CCDC170: variants seen among roughly 807,000 people sequenced by gnomAD.
CCDC170 encodes the protein coiled-coil domain containing 170, also known as coiled-coil domain-containing protein 170.
Under a neutral mutation model 72.6 loss-of-function variants are expected in CCDC170, and 69 were observed. The observed-to-expected ratio is 0.95, with a 90% CI of 0.78 to 1.16. The LOEUF (loss-of-function observed/expected upper bound fraction) is 1.16. Among genes scored for constraint, CCDC170 ranks in the 50% most tolerant of loss-of-function variants. The pLI is 0.00. For missense variants in CCDC170, 852 were observed against 832.5 expected (o/e 1.02, Z -0.29); for synonymous variants, 300 against 303.9 (o/e 0.99, Z 0.13).
At chr6:151,566,922 A>T (rs1465153997) in intron 5 of CCDC170, among the ~76,000 whole-genome samples, 1 of 151,882 alleles carries the variant, frequency 6.6e-6, no homozygotes, top group Non-Finnish European at 1.5e-5. Context: ...TGTATAGGAA[A>T]TTTTTTCTTT....
Position 151,520,779 on chromosome 6 carries a change from G to A in CCDC170, c.58-15539G>A, listed in dbSNP as rs114943744. Among the ~76,000 whole-genome samples the A allele has an allele frequency of 9.3e-3, 1,411 of 152,236 alleles. 26 individuals are homozygous for A. Among genetic ancestry groups the A allele is most frequent in the African/African-American group, 0.032 (1,325 of 41,530 alleles). On this transcript the variant is annotated intron_variant, in intron 1 of 10. Transcript: ENST00000239374. Reference sequence around the variant, plus strand: ...TGGCCCCCAGCTAGGAACTGACTCAGCACAAGAGGACAATTTCAACTTCCC... The same window carrying A: ...TGGCCCCCAGCTAGGAACTGACTCAACACAAGAGGACAATTTCAACTTCCC...
intron 1 of CCDC170, among the ~76,000 whole-genome samples, chr6:151,534,486 C>A (rs989162787): frequency 6.6e-6 from 1 of 152,102 alleles, no homozygotes; most frequent in African/African-American, 2.4e-5. Context: ...TAGGTGAAAT[C>A]TCTTATAAGT....
chr6:151,548,577 A>G, intron 5 of CCDC170, 88 bp downstream of exon 5: 2 of 1,163,776 alleles, frequency 1.7e-6, no homozygotes, highest in Non-Finnish European at 2.3e-6. Flanking sequence ...GTGCCCTAGA[A>G]CTACTGATTA....
chr6:151,502,713 A>C (rs114494988), intron 1 of CCDC170, among the ~76,000 whole-genome samples: 90 of 152,368 alleles, frequency 5.9e-4, no homozygotes, highest in African/African-American at 2.0e-3. Context: ...TATTCTGCTT[A>C]GTGAATCATA....
At chr6:151,559,835 C>CT (rs1431746376) in intron 5 of CCDC170, among the ~76,000 whole-genome samples, 1 of 152,022 alleles carries the variant, frequency 6.6e-6, no homozygotes, top group Non-Finnish European at 1.5e-5. Flanking sequence ...TTTGGTTCTT[C>CT]TTTTTTTCTT....
intron 4 of CCDC170, among the ~76,000 whole-genome samples, chr6:151,547,409 A>T (rs117526978): frequency 6.6e-6 from 1 of 152,194 alleles, no homozygotes; most frequent in Non-Finnish European, 1.5e-5. Flanking sequence ...GCAGGGATAG[A>T]GAGGGAAGCA....
intron 9 of CCDC170, among the ~76,000 whole-genome samples, chr6:151,600,464 CTTCTT>C (rs1776689156): frequency 6.6e-6 from 1 of 152,090 alleles, no homozygotes; most frequent in Non-Finnish European, 1.5e-5. Context: ...CTGTGTGTCT[CTTCTT>C]TTCTGTCTCT....
At chr6:151,511,785 A>C (rs1165626276) in intron 1 of CCDC170, among the ~76,000 whole-genome samples, 1 of 152,164 alleles carries the variant, frequency 6.6e-6, no homozygotes, top group East Asian at 1.9e-4. Flanking sequence ...TGTTTATCTT[A>C]ATCTTAATTT....
At chr6:151,503,451 T>C (rs1027057988) in intron 1 of CCDC170, among the ~76,000 whole-genome samples, 3 of 151,916 alleles carry the variant, frequency 2.0e-5, no homozygotes, top group African/African-American at 7.3e-5. Flanking sequence ...TTTATTTTTA[T>C]TTTTATTTTT....
intron 1 of CCDC170, among the ~76,000 whole-genome samples, chr6:151,517,742 A>G (rs1338124293): frequency 6.6e-6 from 1 of 151,930 alleles, no homozygotes; most frequent in Non-Finnish European, 1.5e-5. Context: ...GTGCCCGGCC[A>G]CTAATAATTT....
intron 8 of CCDC170, among the ~76,000 whole-genome samples, chr6:151,594,744 C>T (rs760018664): frequency 4.0e-5 from 6 of 151,854 alleles, no homozygotes; most frequent in Non-Finnish European, 8.8e-5. Flanking sequence ...CTCTGCCTCC[C>T]GGGTTCAGGT....
chr6:151,592,148 A>G (rs1776549397), intron 7 of CCDC170, among the ~76,000 whole-genome samples: 1 of 152,062 alleles, frequency 6.6e-6, no homozygotes, highest in African/African-American at 2.4e-5. Context: ...ACCTGAGGTC[A>G]GGAGTTTGAG....
intron 5 of CCDC170, among the ~76,000 whole-genome samples, chr6:151,565,675 C>A (rs1776123729): frequency 6.6e-6 from 1 of 152,198 alleles, no homozygotes; most frequent in African/African-American, 2.4e-5. Context: ...TGAAGCCCTG[C>A]CCCTTGAGAA....
At chr6:151,579,811 C>T (rs981284700) in intron 6 of CCDC170, among the ~76,000 whole-genome samples, 1 of 152,248 alleles carries the variant, frequency 6.6e-6, no homozygotes, top group East Asian at 1.9e-4. Flanking sequence ...ACCCTGATGA[C>T]GGAAATGGAC....
chr6:151,537,745 T>C (rs1001468096), intron 2 of CCDC170, among the ~76,000 whole-genome samples: 1 of 152,268 alleles, frequency 6.6e-6, no homozygotes, highest in East Asian at 1.9e-4. Flanking sequence ...ATTTAGAAAA[T>C]GTGGACCATT....
intron 7 of CCDC170, among the ~76,000 whole-genome samples, chr6:151,592,034 G>A (rs1426154553): frequency 6.6e-6 from 1 of 152,062 alleles, no homozygotes; most frequent in African/African-American, 2.4e-5. Context: ...AGGTGCATGG[G>A]TGGGTGTGTT....
intron 9 of CCDC170, among the ~76,000 whole-genome samples, chr6:151,603,329 T>C (rs1159653522): frequency 1.3e-5 from 2 of 152,250 alleles, no homozygotes; most frequent in Non-Finnish European, 1.5e-5. Context: ...CCATGTGTTT[T>C]ATTTTAATAC....
At position 151,585,191 on chromosome 6, in the gene CCDC170, G is replaced by C. The variant is rs376785732; in HGVS notation, c.1093-698G>C. Among the ~76,000 whole-genome samples, 35 of 152,264 alleles carry C rather than the reference G, an allele frequency of 2.3e-4. No homozygotes were observed. In the South Asian group the frequency reaches 7.0e-3, roughly 31 times the overall value. On this transcript the variant is annotated intron_variant, in intron 6 of 10. Transcript: ENST00000239374. ...ATGGGAGCATTGGGCAAATCAGGTG[G>C]GTTGTGGAGAGCCTGGAGGGACTTT...
chr6:151,533,916 C>CT (rs1782533320), intron 1 of CCDC170, among the ~76,000 whole-genome samples: 1 of 152,162 alleles, frequency 6.6e-6, no homozygotes, highest in Admixed American at 6.5e-5. Context: ...CTGTTGGACT[C>CT]TGAGGGTGAT....
Sources: allele counts gnomAD v4.1 joint callset (sites outside exome capture counted in the v4.1 genomes callset), GRCh38; gene constraint gnomAD v4.1.1; transcripts MANE v1.5; gene names NCBI Gene and HGNC (gene_info 2026-07-23, HGNC 2026-07-21).